The following DIP2C variants were observed in gnomAD, a reference collection of about 807,000 sequenced individuals.
The protein encoded by DIP2C is DIP2 acetate--CoA ligase C (putative), also known as disco-interacting protein 2 homolog C.
In DIP2C, 33 loss-of-function variants were observed where a neutral mutation model predicts 192.4. The observed-to-expected ratio is 0.17, with a 90% confidence interval of 0.13 to 0.23. The LOEUF is 0.23. Among genes scored for constraint, DIP2C ranks in the 10% least tolerant of loss-of-function variants. The pLI is 1.00. For synonymous variants in DIP2C, 979 were observed against 864.1 expected (o/e 1.13, Z -2.33); for missense variants, 1,537 against 2,110.1 (o/e 0.73, Z 5.32).
chr10:341,050 G>T, intron 29 of DIP2C, 149 bp downstream of exon 29: 1 of 1,116,568 alleles, frequency 9.0e-7, no homozygotes, highest in Non-Finnish European at 1.3e-6. Flanking sequence ...AGTCCACCAG[G>T]AGAAGTAGAG....
intron 10 of DIP2C, among the ~76,000 whole-genome samples, chr10:395,440 T>A (rs1963910226): frequency 6.6e-6 from 1 of 152,160 alleles, no homozygotes; most frequent in African/African-American, 2.4e-5. Flanking sequence ...GTTAAAATAA[T>A]ATTTAAAAAG....
intron 31 of DIP2C, among the ~76,000 whole-genome samples, chr10:318,764 C>T (rs1490544603): frequency 1.3e-5 from 2 of 152,208 alleles, no homozygotes; most frequent in Non-Finnish European, 2.9e-5. Context: ...TCAAAATCCC[C>T]AACAGCACCT....
intron 3 of DIP2C, among the ~76,000 whole-genome samples, chr10:458,317 ACCT>A (rs1269765537): frequency 6.6e-6 from 1 of 152,246 alleles, no homozygotes; most frequent in African/African-American, 2.4e-5. Context: ...CAGGACAGGA[ACCT>A]CATCAAAATC....
intron 17 of DIP2C, chr10:370,111 G>C: frequency 1.1e-6 from 1 of 920,076 alleles, no homozygotes; most frequent in Non-Finnish European, 1.3e-6. Context: ...CCTCAATTCA[G>C]ATGCAGACTG....
chr10:651,569 G>T lies in DIP2C; in HGVS notation c.85+37925C>A, dbSNP rs1185343507. 19 of 406,068 alleles carry T rather than the reference G, an allele frequency of 4.7e-5. No homozygotes were observed. Among genetic ancestry groups the T allele is most frequent in the Non-Finnish European group, 7.9e-5 (17 of 213,956 alleles). The allele number at this position is 406,068 out of a possible 1,614,324, so 25.2% of individuals were successfully genotyped here. A position where few individuals can be genotyped will look rare whatever the true frequency, so the allele number is the denominator to read the frequency against. On this transcript the variant is annotated intron_variant, in intron 1 of 36. Transcript: ENST00000280886. The surrounding 1 kb of genome is among the most constrained non-coding windows in gnomAD (Gnocchi z 4.1). Reference sequence around the variant, plus strand: ...TTCAGTGCCTTTCCAGTTAAATGTTGTTAAGCAGTATTTCCCCCAAAAGGT... The same window carrying T: ...TTCAGTGCCTTTCCAGTTAAATGTTTTTAAGCAGTATTTCCCCCAAAAGGT...
chr10:615,099 A>G (rs141623306), intron 1 of DIP2C, among the ~76,000 whole-genome samples: 2 of 152,246 alleles, frequency 1.3e-5, no homozygotes, highest in Non-Finnish European at 2.9e-5. Flanking sequence ...AAGAAAGGAG[A>G]ATTAAGGAAG....
chr10:433,572 T>C (rs1795048364), intron 4 of DIP2C, among the ~76,000 whole-genome samples: 2 of 152,136 alleles, frequency 1.3e-5, no homozygotes, highest in Admixed American at 1.3e-4. Flanking sequence ...TCCCAGCTAC[T>C]CGGGAGGCTG....
chr10:369,403 C>T (rs551875251), intron 18 of DIP2C, 91 bp downstream of exon 18: 488 of 1,445,022 alleles, frequency 3.4e-4, no homozygotes, highest in Non-Finnish European at 4.3e-4. Context: ...ACCACGGGAA[C>T]GCGGGAACGT....
chr10:311,287 G>A (rs552773645), intron 31 of DIP2C, among the ~76,000 whole-genome samples: 23 of 152,328 alleles, frequency 1.5e-4, no homozygotes, highest in African/African-American at 5.3e-4. Flanking sequence ...AACAGGTGAA[G>A]AATTAAGTAC....
chr10:396,858 G>C (rs1239362803), intron 10 of DIP2C, among the ~76,000 whole-genome samples: 5 of 113,100 alleles, frequency 4.4e-5, no homozygotes, highest in African/African-American at 1.5e-4. Context: ...CAAATCCGGT[G>C]GGGGGGAAAC....
chr10:551,041 A>G (rs1397183086), intron 1 of DIP2C, among the ~76,000 whole-genome samples: 3 of 151,064 alleles, frequency 2.0e-5, no homozygotes, highest in Admixed American at 1.3e-4. Flanking sequence ...CTCACTGGAC[A>G]CTGTGGCTCT....
At chr10:670,369 T>G (rs575812363) in intron 1 of DIP2C, among the ~76,000 whole-genome samples, 1 of 151,896 alleles carries the variant, frequency 6.6e-6, no homozygotes, top group African/African-American at 2.4e-5. Context: ...CATACACACA[T>G]GCACACACAT....
At chr10:302,282 T>G (rs1268090592) in intron 32 of DIP2C, among the ~76,000 whole-genome samples, 1 of 152,078 alleles carries the variant, frequency 6.6e-6, no homozygotes, top group Non-Finnish European at 1.5e-5. Flanking sequence ...TTTTGCCATT[T>G]CACAGGCAGA....
At chr10:452,767 TTA>T (rs1416793283) in intron 3 of DIP2C, among the ~76,000 whole-genome samples, 1 of 152,152 alleles carries the variant, frequency 6.6e-6, no homozygotes, top group Non-Finnish European at 1.5e-5. Flanking sequence ...AGGAGGTCTC[TTA>T]TGACATCCAG....
At chr10:563,237 G>A (rs946330884) in intron 1 of DIP2C, among the ~76,000 whole-genome samples, 1 of 152,214 alleles carries the variant, frequency 6.6e-6, no homozygotes, top group Non-Finnish European at 1.5e-5. Context: ...ACGATTTTAA[G>A]GCTTGGGGCT....
At chr10:519,626 G>A (rs1007896476) in intron 1 of DIP2C, among the ~76,000 whole-genome samples, 9 of 152,240 alleles carry the variant, frequency 5.9e-5, no homozygotes, top group African/African-American at 2.2e-4. Flanking sequence ...CCTTGCCAAG[G>A]GGCCCAGCAG....
intron 1 of DIP2C, among the ~76,000 whole-genome samples, chr10:562,584 C>G (rs753481078): frequency 6.6e-6 from 1 of 152,208 alleles, no homozygotes; most frequent in Admixed American, 6.5e-5. Context: ...AGTTGGCATT[C>G]CAACAGGATT....
At chr10:540,192 A>ACAATGTT (rs1847901215) in intron 1 of DIP2C, among the ~76,000 whole-genome samples, 1 of 152,272 alleles carries the variant, frequency 6.6e-6, no homozygotes, top group Non-Finnish European at 1.5e-5. Context: ...TTTAAAGTCA[A>ACAATGTT]CAATGTTCAA....
At chr10:646,297 G>A (rs1328391270) in intron 1 of DIP2C, among the ~76,000 whole-genome samples, 2 of 151,712 alleles carry the variant, frequency 1.3e-5, no homozygotes, top group African/African-American at 4.8e-5. Context: ...AGGTACTGGA[G>A]CTGCTGTCCA....
Sources: gnomAD v4.1 joint callset for allele counts (sites outside exome capture counted in the v4.1 genomes callset) on GRCh38, gnomAD v4.1.1 for gene constraint, Gnocchi (gnomAD v3.1) non-coding constraint, MANE v1.5 for transcripts, NCBI Gene and HGNC (gene_info 2026-07-23, HGNC 2026-07-21) for gene names.